CNTNAP5: variants seen among roughly 807,000 people sequenced by gnomAD.
CNTNAP5 encodes the protein contactin associated protein family member 5.
CNTNAP5 carries 72 observed loss-of-function variants against 150.2 expected under a neutral mutation model. The ratio of observed to expected loss-of-function variants is 0.48; its 90% CI spans 0.40 to 0.58. The LOEUF is 0.58. CNTNAP5 is among the 20% of genes least tolerant of loss of function. The pLI is 0.00. For synonymous variants in CNTNAP5, 672 were observed against 619.8 expected, an observed-to-expected ratio of 1.08 and a Z score of -1.25; for missense variants, 1,636 against 1,626.2, an observed-to-expected ratio of 1.01 and a Z score of -0.10.
At chr2:124,811,383 A>G (rs191813420) in intron 19 of CNTNAP5, among the ~76,000 whole-genome samples, 18 of 152,312 alleles carry the variant, frequency 1.2e-4, no homozygotes, top group African/African-American at 3.4e-4. Context: ...TTGACTTTAT[A>G]AATGTATTAC....
At chr2:124,221,646 T>C in intron 1 of CNTNAP5, 59 bp from the exon 2 acceptor site, 2 of 1,085,508 alleles carry the variant, frequency 1.8e-6, no homozygotes, top group Non-Finnish European at 2.8e-6. Context: ...TCTCTTCTTA[T>C]GGAATGTTTC....
chr2:124,118,791 C>T (rs1683488951), intron 1 of CNTNAP5, among the ~76,000 whole-genome samples: 1 of 152,152 alleles, frequency 6.6e-6, no homozygotes, highest in South Asian at 2.1e-4. Flanking sequence ...TCGTAATAAC[C>T]CACATGCTAA....
At chr2:124,773,352 C>T (rs1269667506) in intron 17 of CNTNAP5, among the ~76,000 whole-genome samples, 1 of 152,166 alleles carries the variant, frequency 6.6e-6, no homozygotes, top group Admixed American at 6.6e-5. Flanking sequence ...CAACTCTTTA[C>T]AACTTAGTGG....
intron 1 of CNTNAP5, among the ~76,000 whole-genome samples, chr2:124,035,613 A>G (rs561743228): frequency 1.3e-5 from 2 of 152,272 alleles, no homozygotes; most frequent in African/African-American, 4.8e-5. Flanking sequence ...CCACTGAAGC[A>G]TGTAATTTCT....
rs1202969598 is a variant in CNTNAP5 at position 124,918,116 on chromosome 2, G to A, written c.*3828G>A. On this transcript the variant is annotated 3_prime_UTR_variant, in exon 24 of 24. Coordinates refer to ENST00000682447, the MANE Select transcript of CNTNAP5 (RefSeq NM_001367498.1). ...CTGAATTCTCTACATTCTTGTTTCG[G>A]GTCAGGTTGGGGGATTCCAAAAGTC... is the stretch of plus-strand genomic sequence containing the variant. Among the ~76,000 whole-genome samples the A allele has an allele frequency of 6.6e-6, 1 of 151,972 alleles. No individual in the cohort carries two copies. The highest frequency in any genetic ancestry group is 1.5e-5 in the Non-Finnish European group (1 of 67,970).
chr2:124,576,638 C>A (rs1305291287), intron 11 of CNTNAP5, among the ~76,000 whole-genome samples: 4 of 152,018 alleles, frequency 2.6e-5, no homozygotes, highest in Non-Finnish European at 4.4e-5. Flanking sequence ...AATGGCAATG[C>A]AGTATGAAAA....
intron 19 of CNTNAP5, among the ~76,000 whole-genome samples, chr2:124,847,601 G>T (rs532118431): frequency 2.0e-5 from 3 of 152,278 alleles, no homozygotes; most frequent in South Asian, 4.1e-4. Flanking sequence ...ACCCTGCAGT[G>T]GTGATCCAGT....
intron 20 of CNTNAP5, among the ~76,000 whole-genome samples, chr2:124,868,556 G>A (rs947275235): frequency 2.6e-5 from 4 of 151,994 alleles, no homozygotes; most frequent in Admixed American, 1.3e-4. Context: ...TTTCCTTGAC[G>A]TCAACCCTAC....
chr2:124,166,297 T>C (rs543782987), intron 1 of CNTNAP5, among the ~76,000 whole-genome samples: 5 of 152,150 alleles, frequency 3.3e-5, no homozygotes, highest in South Asian at 2.1e-4. Flanking sequence ...TAAAGCATCA[T>C]GTGGGAGATT....
At chr2:124,584,182 C>T (rs1696476073) in intron 11 of CNTNAP5, among the ~76,000 whole-genome samples, 1 of 152,196 alleles carries the variant, frequency 6.6e-6, no homozygotes, top group African/African-American at 2.4e-5. Flanking sequence ...ACATAGTTTA[C>T]AAAATGCATA....
intron 3 of CNTNAP5, among the ~76,000 whole-genome samples, chr2:124,281,286 G>T (rs1573888267): frequency 6.6e-6 from 1 of 152,210 alleles, no homozygotes; most frequent in East Asian, 1.9e-4. Context: ...TTGGTATGAA[G>T]ATTAAAAGAA....
intron 19 of CNTNAP5, among the ~76,000 whole-genome samples, chr2:124,835,383 TA>T (rs1682808154): frequency 1.3e-5 from 2 of 152,228 alleles, no homozygotes; most frequent in East Asian, 1.9e-4. Flanking sequence ...TTTAAGTGTA[TA>T]AAAAAATCCT....
intron 1 of CNTNAP5, among the ~76,000 whole-genome samples, chr2:124,076,579 T>A (rs985510889): frequency 2.0e-5 from 3 of 152,088 alleles, no homozygotes; most frequent in Non-Finnish European, 4.4e-5. Flanking sequence ...GTCTTTAAAG[T>A]TTTTTTCTCA....
At chr2:124,628,928 A>C (rs1677787537) in intron 12 of CNTNAP5, among the ~76,000 whole-genome samples, 1 of 152,222 alleles carries the variant, frequency 6.6e-6, no homozygotes, top group Admixed American at 6.5e-5. Context: ...TTTCTGACAA[A>C]ATAGACTTTA....
At chr2:124,811,578 T>C (rs1295211756) in intron 19 of CNTNAP5, among the ~76,000 whole-genome samples, 1 of 152,150 alleles carries the variant, frequency 6.6e-6, no homozygotes, top group South Asian at 2.1e-4. Flanking sequence ...CCCTTTTTGA[T>C]GTTTTCAGTT....
In CNTNAP5 at chr2:124,862,381, C is replaced by T. The variant is rs565633919; in HGVS notation, c.3218-2925C>T. Among the ~76,000 whole-genome samples, 3 of 152,292 alleles carry T rather than the reference C, an allele frequency of 2.0e-5. No homozygotes were observed. The South Asian group carries it at 6.2e-4, about 32-fold the overall frequency. On this transcript the variant is annotated intron_variant, in intron 19 of 23. Coordinates refer to ENST00000682447, the MANE Select transcript of CNTNAP5 (RefSeq NM_001367498.1). Reference sequence around the variant, plus strand: ...GCTTTATTAGACTTAGGGACAACACCTTCCCTCTGACAATTCACTGTCTGT... The same window carrying T: ...GCTTTATTAGACTTAGGGACAACACTTTCCCTCTGACAATTCACTGTCTGT...
chr2:124,716,263 A>G (rs961625163), intron 13 of CNTNAP5, among the ~76,000 whole-genome samples: 3 of 152,178 alleles, frequency 2.0e-5, no homozygotes, highest in African/African-American at 7.2e-5. Flanking sequence ...AATTTTTCTC[A>G]TGGTAATAAC....
chr2:124,911,989 C>G (rs1356527193), intron 23 of CNTNAP5, among the ~76,000 whole-genome samples: 1 of 152,052 alleles, frequency 6.6e-6, no homozygotes, highest in African/African-American at 2.4e-5. Context: ...AGGGTGAAGC[C>G]CACAGAACTG....
At chr2:124,902,210 A>G (rs976768816) in intron 21 of CNTNAP5, among the ~76,000 whole-genome samples, 1 of 152,172 alleles carries the variant, frequency 6.6e-6, no homozygotes, top group Non-Finnish European at 1.5e-5. Flanking sequence ...CTTGCTATGA[A>G]TCCCAAATTA....
Sources: allele counts gnomAD v4.1 joint callset (sites outside exome capture counted in the v4.1 genomes callset), GRCh38; gene constraint gnomAD v4.1.1; transcripts MANE v1.5; gene names NCBI Gene and HGNC (gene_info 2026-07-23, HGNC 2026-07-21).